PPP2R5A: variants seen among roughly 807,000 people sequenced by gnomAD.
PPP2R5A encodes the protein protein phosphatase 2 regulatory subunit B'alpha, also known as serine/threonine-protein phosphatase 2A 56 kDa regulatory subunit alpha isoform.
PPP2R5A carries 25 observed loss-of-function variants against 64.2 expected under a neutral mutation model. The ratio of observed to expected loss-of-function variants is 0.39; its 90% CI spans 0.28 to 0.54. PPP2R5A has a LOEUF of 0.54. Among genes scored for constraint, PPP2R5A ranks in the 20% least tolerant of loss-of-function variants. The pLI is 0.67. For synonymous variants in PPP2R5A, 198 were observed against 201.2 expected, an observed-to-expected ratio of 0.98 and a Z score of 0.13; for missense variants, 425 against 576.3, an observed-to-expected ratio of 0.74 and a Z score of 2.69.
At chr1:212,323,302 C>T (rs147866451) in intron 1 of PPP2R5A, among the ~76,000 whole-genome samples, 188 of 152,310 alleles carry the variant, frequency 1.2e-3, no homozygotes, top group African/African-American at 4.5e-3. Context: ...AATCATCTCT[C>T]AGAATTCGCT....
At chr1:212,335,468 T>G (rs915792401) in intron 3 of PPP2R5A, among the ~76,000 whole-genome samples, 1 of 136,846 alleles carries the variant, frequency 7.3e-6, no homozygotes, top group South Asian at 2.4e-4. Flanking sequence ...AGAGAGAAAC[T>G]CCGGCTCAAA....
chr1:212,305,364 TC>T (rs71137739), intron 1 of PPP2R5A, among the ~76,000 whole-genome samples: 4,292 of 152,226 alleles, frequency 0.028, 89 homozygotes, highest in Middle Eastern at 0.044. Context: ...CTAACTTCAT[TC>T]CTTTGTGGTC....
intron 1 of PPP2R5A, among the ~76,000 whole-genome samples, chr1:212,322,335 A>G (rs950177301): frequency 2.6e-5 from 4 of 151,684 alleles, no homozygotes; most frequent in African/African-American, 7.3e-5. Flanking sequence ...AAATATAGCA[A>G]GAAGACAGGC....
intron 3 of PPP2R5A, among the ~76,000 whole-genome samples, chr1:212,340,438 G>A (rs528383122): frequency 6.6e-6 from 1 of 152,294 alleles, no homozygotes; most frequent in African/African-American, 2.4e-5. Flanking sequence ...TACTGGACAT[G>A]AAAATAGGCA....
At chr1:212,286,332 C>A in intron 1 of PPP2R5A, 41 bp downstream of exon 1, 1 of 1,426,724 alleles carries the variant, frequency 7.0e-7, no homozygotes, top group Non-Finnish European at 9.2e-7. Context: ...AGCGCAGGGG[C>A]TGGCAACGCT....
intron 4 of PPP2R5A, among the ~76,000 whole-genome samples, chr1:212,342,583 A>C (rs1037254980): frequency 5.9e-5 from 9 of 152,224 alleles, no homozygotes; most frequent in Non-Finnish European, 1.2e-4. Flanking sequence ...TGGTATGACC[A>C]TTCAATCCAT....
At chr1:212,295,314 C>T (rs1658671925) in intron 1 of PPP2R5A, among the ~76,000 whole-genome samples, 1 of 151,992 alleles carries the variant, frequency 6.6e-6, no homozygotes, top group South Asian at 2.1e-4. Context: ...CTAACTTGGG[C>T]AACTGGATGT....
At chr1:212,356,297 A>T (rs1374305287) in intron 8 of PPP2R5A, among the ~76,000 whole-genome samples, 10 of 152,112 alleles carry the variant, frequency 6.6e-5, no homozygotes, top group Non-Finnish European at 4.4e-5. Context: ...ACATACTATT[A>T]AATTGTTTTA....
intron 5 of PPP2R5A, 75 bp from the exon 6 acceptor site, chr1:212,347,272 T>G (rs1244258564): frequency 7.4e-6 from 8 of 1,078,324 alleles, no homozygotes; most frequent in Non-Finnish European, 1.1e-5. Context: ...GATTGATTTC[T>G]TCACCCTCCT....
At chr1:212,332,551 C>A (rs1185296284) in intron 2 of PPP2R5A, among the ~76,000 whole-genome samples, 5 of 152,140 alleles carry the variant, frequency 3.3e-5, no homozygotes, top group Admixed American at 3.3e-4. Flanking sequence ...TGAAGCACAT[C>A]CTGATTTCAG....
At chr1:212,359,940 CA>C (rs1239668788) in intron 12 of PPP2R5A, among the ~76,000 whole-genome samples, 1 of 152,118 alleles carries the variant, frequency 6.6e-6, no homozygotes, top group Non-Finnish European at 1.5e-5. Flanking sequence ...CATAAATCAG[CA>C]AATCCTTTAA....
chr1:212,356,941 T>C lies in PPP2R5A; in HGVS notation c.979-9T>C, dbSNP rs779837074. 1.3e-6 allele frequency: 2 copies of C among 1,528,368 alleles called. No homozygotes were observed. Among genetic ancestry groups the C allele is most frequent in the East Asian group, 2.3e-5 (1 of 44,076 alleles). The allele number at this position is 1,528,368 out of a possible 1,614,324, so 94.7% of individuals were successfully genotyped here. On this transcript the variant is annotated splice_polypyrimidine_tract_variant and intron_variant, in intron 9 of 12. Coordinates refer to ENST00000261461, the MANE Select transcript of PPP2R5A (RefSeq NM_006243.4). The stretch of plus-strand genomic sequence containing the variant: ...TCATGTTTCTTAAAATAAAATTTTT[T>C]TAACCTAGGTGATGTTTTTAGGAGA...
chr1:212,302,161 T>A, intron 1 of PPP2R5A: 1 of 1,345,352 alleles, frequency 7.4e-7, no homozygotes, highest in Non-Finnish European at 1.0e-6. Flanking sequence ...GAATAGAGAC[T>A]AGATTTTCTG....
At chr1:212,313,212 G>C (rs879860551) in intron 1 of PPP2R5A, among the ~76,000 whole-genome samples, 1 of 152,142 alleles carries the variant, frequency 6.6e-6, no homozygotes, top group Non-Finnish European at 1.5e-5. Context: ...TCACAGTCCT[G>C]TACTGCCTGT....
intron 4 of PPP2R5A, among the ~76,000 whole-genome samples, chr1:212,343,389 T>C (rs926241531): frequency 6.6e-6 from 1 of 152,192 alleles, no homozygotes; most frequent in Non-Finnish European, 1.5e-5. Context: ...ATTAAAATCA[T>C]TGCAAGGACC....
chr1:212,302,303 ATTG>A (rs1658812775), intron 1 of PPP2R5A, among the ~76,000 whole-genome samples: 1 of 152,140 alleles, frequency 6.6e-6, no homozygotes, highest in South Asian at 2.1e-4. Context: ...TTAATAAGCT[ATTG>A]TTACTACCTC....
chr1:212,326,928 A>G (rs565456429), intron 1 of PPP2R5A, among the ~76,000 whole-genome samples: 1 of 152,372 alleles, frequency 6.6e-6, no homozygotes, highest in East Asian at 1.9e-4. Context: ...TAATTGATCA[A>G]TGAAAAGAAT....
chr1:212,305,026 C>T (rs953051497), intron 1 of PPP2R5A, among the ~76,000 whole-genome samples: 3 of 149,704 alleles, frequency 2.0e-5, no homozygotes, highest in Non-Finnish European at 3.0e-5. Flanking sequence ...CTGCCACACC[C>T]GGCCCCCAAT....
At chr1:212,340,420 T>A (rs1287917391) in intron 3 of PPP2R5A, among the ~76,000 whole-genome samples, 1 of 152,184 alleles carries the variant, frequency 6.6e-6, no homozygotes. Context: ...ATACTATACA[T>A]AGCCCAGTAC....
Sources: gnomAD v4.1 joint callset for allele counts (sites outside exome capture counted in the v4.1 genomes callset) on GRCh38, gnomAD v4.1.1 for gene constraint, MANE v1.5 for transcripts, NCBI Gene and HGNC (gene_info 2026-07-23, HGNC 2026-07-21) for gene names.